LRRC7: variants seen among roughly 807,000 people sequenced by gnomAD.
LRRC7 encodes leucine-rich repeat-containing protein 7.
In LRRC7, 23 loss-of-function variants were observed where a neutral mutation model predicts 175.7. The observed-to-expected ratio is 0.13, with a 90% CI of 0.09 to 0.19. The LOEUF (loss-of-function observed/expected upper bound fraction) is 0.19. Ranked by LOEUF, LRRC7 falls within the 10% of genes least tolerant of loss-of-function variation. LRRC7 has a pLI of 1.00. For synonymous variants in LRRC7, 685 were observed against 680.9 expected, an observed-to-expected ratio of 1.01 and a Z score of -0.09; for missense variants, 1,354 against 1,904.7, an observed-to-expected ratio of 0.71 and a Z score of 5.38.
chr1:69,635,003 T>G (rs1303930870), intron 1 of LRRC7, among the ~76,000 whole-genome samples: 1 of 152,126 alleles, frequency 6.6e-6, no homozygotes, highest in African/African-American at 2.4e-5. Flanking sequence ...GACAAAGTTG[T>G]GTTACGGGGG....
chr1:69,807,643 G>A (rs1309668739), intron 4 of LRRC7, among the ~76,000 whole-genome samples: 1 of 152,110 alleles, frequency 6.6e-6, no homozygotes, highest in Non-Finnish European at 1.5e-5. Context: ...CTTCTGGCTT[G>A]TATGGTTTCT....
chr1:69,938,179 A>T (rs935144174), intron 8 of LRRC7, among the ~76,000 whole-genome samples: 1 of 152,064 alleles, frequency 6.6e-6, no homozygotes, highest in Non-Finnish European at 1.5e-5. Flanking sequence ...AAAGTTCAAA[A>T]ATTCAGCAGG....
At chr1:70,092,093 G>A (rs1375112962) in intron 25 of LRRC7, among the ~76,000 whole-genome samples, 1 of 152,052 alleles carries the variant, frequency 6.6e-6, no homozygotes, top group African/African-American at 2.4e-5. Context: ...TTAATCTATT[G>A]GAAATTCAGC....
At chr1:70,051,006 C>T (rs1404027653) in intron 22 of LRRC7, among the ~76,000 whole-genome samples, 2 of 151,908 alleles carry the variant, frequency 1.3e-5, no homozygotes, top group East Asian at 1.9e-4. Flanking sequence ...CTTTTGGCCC[C>T]TGTAATAGAG....
At chr1:69,654,421 A>G (rs1656311711) in intron 1 of LRRC7, among the ~76,000 whole-genome samples, 1 of 152,078 alleles carries the variant, frequency 6.6e-6, no homozygotes, top group African/African-American at 2.4e-5. Context: ...GTGAGCAAAA[A>G]TATATCATAA....
At chr1:69,591,936 C>A (rs12026941) in intron 1 of LRRC7, among the ~76,000 whole-genome samples, 9,530 of 151,962 alleles carry the variant, frequency 0.063, 349 homozygotes, top group Middle Eastern at 0.11. Context: ...ATTCTTTTTG[C>A]CTTGTATACA....
intron 2 of LRRC7, among the ~76,000 whole-genome samples, chr1:69,721,245 A>T (rs1285245716): frequency 6.6e-6 from 1 of 151,894 alleles, no homozygotes; most frequent in Non-Finnish European, 1.5e-5. Flanking sequence ...CAAAGTCTGT[A>T]GTTTACATTA....
At position 70,059,559 on chromosome 1, in the gene LRRC7, C is replaced by A. The variant is rs114527658; in HGVS notation, c.4230+6414C>A. ...TATTATTCTTCCTTTACCCCACCCC[C>A]ACCCCAACCCCAAATTGTCATTTTT... On this transcript the variant is annotated intron_variant, in intron 23 of 26. Coordinates refer to ENST00000651989, the MANE Select transcript of LRRC7 (RefSeq NM_001370785.2). Among the ~76,000 whole-genome samples the A allele has an allele frequency of 8.1e-3, 1,218 of 151,216 alleles. 14 individuals carry two copies. Among genetic ancestry groups the A allele is most frequent in the African/African-American group, 0.028 (1,148 of 41,026 alleles).
intron 7 of LRRC7, among the ~76,000 whole-genome samples, chr1:69,910,881 C>T (rs1008875522): frequency 6.6e-6 from 1 of 152,250 alleles, no homozygotes; most frequent in Non-Finnish European, 1.5e-5. Context: ...CTTTGTTTGC[C>T]TAATCAAGCC....
At chr1:69,885,409 T>C (rs1023315709) in intron 7 of LRRC7, among the ~76,000 whole-genome samples, 371 of 145,254 alleles carry the variant, frequency 2.6e-3, no homozygotes, top group South Asian at 0.021. Context: ...TGCGTAGAGG[T>C]GTTTGTAGTA....
At chr1:69,695,329 T>G (rs1351141328) in intron 2 of LRRC7, among the ~76,000 whole-genome samples, 1 of 152,186 alleles carries the variant, frequency 6.6e-6, no homozygotes, top group African/African-American at 2.4e-5. Context: ...CAGAAAAACA[T>G]TCAAAATGTG....
intron 3 of LRRC7, 89 bp from the exon 4 acceptor site, chr1:69,791,954 T>C (rs149710916): frequency 2.4e-6 from 2 of 824,730 alleles, no homozygotes; most frequent in East Asian, 2.5e-5. Flanking sequence ...CTACTACATA[T>C]ATAAACATGG....
intron 4 of LRRC7, among the ~76,000 whole-genome samples, chr1:69,806,813 A>G (rs1295111873): frequency 6.6e-6 from 1 of 152,014 alleles, no homozygotes; most frequent in African/African-American, 2.4e-5. Flanking sequence ...TAAGAATGGT[A>G]GACATGAAGA....
intron 23 of LRRC7, among the ~76,000 whole-genome samples, chr1:70,065,901 G>A (rs1259430815): frequency 2.6e-5 from 4 of 151,934 alleles, no homozygotes; most frequent in Non-Finnish European, 5.9e-5. Context: ...GAGCTAAATA[G>A]GATTTGAAGA....
chr1:70,117,747 T>C (rs1427841088), intron 26 of LRRC7, among the ~76,000 whole-genome samples: 1 of 152,178 alleles, frequency 6.6e-6, no homozygotes. Flanking sequence ...GGTAACTTCA[T>C]TTCAACTTAA....
chr1:70,072,618 CT>C (rs1662474597), intron 23 of LRRC7, among the ~76,000 whole-genome samples: 1 of 143,486 alleles, frequency 7.0e-6, no homozygotes, highest in Middle Eastern at 3.7e-3. Flanking sequence ...GCTGCTGCTG[CT>C]AACAGAATGA....
chr1:69,874,376 A>G (rs1052052801), intron 7 of LRRC7: 3 of 152,136 alleles, frequency 2.0e-5, no homozygotes, highest in Non-Finnish European at 2.9e-5. Context: ...GAAAAGCTTG[A>G]AATTCAACAT....
intron 8 of LRRC7, among the ~76,000 whole-genome samples, chr1:69,946,208 T>C (rs910832833): frequency 2.6e-5 from 4 of 152,182 alleles, no homozygotes; most frequent in African/African-American, 9.7e-5. Flanking sequence ...TGTCAAATAC[T>C]TTTTCTGCAT....
At chr1:69,781,847 G>GGAAGGAAGGAAGGAAGGAAGGAAGGA (rs1204657998) in intron 3 of LRRC7, among the ~76,000 whole-genome samples, 1 of 95,746 alleles carries the variant, frequency 1.0e-5, no homozygotes, top group Non-Finnish European at 2.0e-5. Context: ...GGAAGGAAGG[G>GGAAGGAAGGAAGGAAGGAAGGAAGGA]AGAGAAAGAA....
Sources: allele counts gnomAD v4.1 joint callset (sites outside exome capture counted in the v4.1 genomes callset), GRCh38; gene constraint gnomAD v4.1.1; transcripts MANE v1.5; gene names NCBI Gene and HGNC (gene_info 2026-07-23, HGNC 2026-07-21).